Variants in DBF4 observed in about 807,000 individuals in gnomAD.
DBF4 encodes the protein DBF4-CDC7 kinase regulatory subunit, also known as protein DBF4 homolog A.
In DBF4, 25 loss-of-function variants were observed where a neutral mutation model predicts 76.6. That is an observed-to-expected ratio of 0.33 (90% CI 0.24 to 0.46). The LOEUF (loss-of-function observed/expected upper bound fraction) is 0.46. Among genes scored for constraint, DBF4 ranks in the 20% least tolerant of loss-of-function variants. The probability of loss-of-function intolerance (pLI) is 1.00; values close to 1 mark genes in which losing one functional copy is unlikely to be tolerated. For missense variants in DBF4, 638 were observed against 760.8 expected (o/e 0.84, Z 1.90); for synonymous variants, 213 against 258.0 (o/e 0.83, Z 1.67).
intron 6 of DBF4, among the ~76,000 whole-genome samples, chr7:87,893,596 CTT>C (rs1295198797): frequency 6.6e-6 from 1 of 152,188 alleles, no homozygotes; most frequent in Non-Finnish European, 1.5e-5. Context: ...AATGCTCTCT[CTT>C]CTGTCCCTGT....
At position 87,904,677 on chromosome 7, in the gene DBF4, A is replaced by T. The variant is rs1839872695; in HGVS notation, c.1049+261A>T. Reference sequence around the variant, plus strand: ...GAATCACTTGAAACCCAGGAGGCAGAGGTTGCAGTGAGCCAAGATTGCACC... The same window carrying T: ...GAATCACTTGAAACCCAGGAGGCAGTGGTTGCAGTGAGCCAAGATTGCACC... On this transcript the variant is annotated intron_variant, in intron 11 of 11. Coordinates refer to ENST00000265728, the MANE Select transcript of DBF4 (RefSeq NM_006716.4). 2.6e-5 allele frequency among the ~76,000 whole-genome samples: 4 copies of T among 152,200 alleles called. No individual in the cohort carries two copies. The South Asian group carries it at 8.3e-4, about 31-fold the overall frequency.
chr7:87,878,098 C>T lies in DBF4; in HGVS notation c.92C>T (p.Ser31Phe), dbSNP rs754027945. 10 of 1,610,878 alleles carry T rather than the reference C, an allele frequency of 6.2e-6. No individual in the cohort carries two copies. Among genetic ancestry groups the T allele is most frequent in the African/African-American group, 1.3e-5 (1 of 74,768 alleles). The change falls in exon 2 of 12, where the codon TCT becomes TTT. Residue 31 changes from serine to phenylalanine, a missense_variant. Transcript: ENST00000265728. ...GAAAAAAACAGACCATCTCTGAAAT[C>T]TCTGAAAACTGATAACAGGCCAGAA... Reference protein sequence around the residue: ...KNEKNRPSLKSLKTDNRPEKS... With the variant: ...KNEKNRPSLKFLKTDNRPEKS...
chr7:87,885,170 A>G lies in DBF4; in HGVS notation c.399+12A>G. The G allele has an allele frequency of 2.5e-6, 4 of 1,585,072 alleles. 1 individual carries two copies. Among genetic ancestry groups the G allele is most frequent in the East Asian group, 2.3e-5 (1 of 44,394 alleles). The stretch of plus-strand genomic sequence containing the variant: ...AGTCACCAGACACAGTAAGTCTCTT[A>G]AATATGCTTTGAGACTCAGAAGGGC... On this transcript the variant is annotated intron_variant, in intron 3 of 11. Transcript: ENST00000265728.
intron 6 of DBF4, among the ~76,000 whole-genome samples, chr7:87,893,448 T>C (rs1457924202): frequency 6.6e-6 from 1 of 151,016 alleles, no homozygotes; most frequent in Non-Finnish European, 1.5e-5. Flanking sequence ...GGTTTCACCT[T>C]GTTAGCCAGA....
intron 8 of DBF4, among the ~76,000 whole-genome samples, chr7:87,898,917 A>AT (rs1839703235): frequency 6.6e-6 from 1 of 152,234 alleles, no homozygotes; most frequent in South Asian, 2.1e-4. Context: ...CGAATGGAAT[A>AT]GAATAGAGAG....
intron 1 of DBF4, 125 bp downstream of exon 1, chr7:87,876,903 T>C (rs1839064806): frequency 4.7e-6 from 5 of 1,066,730 alleles, no homozygotes; most frequent in Middle Eastern, 2.1e-4. Flanking sequence ...GCCTCTGGGG[T>C]CTGAAGGAAG....
chr7:87,904,203 G>T, intron 10 of DBF4, 89 bp from the exon 11 acceptor site: 1 of 1,349,376 alleles, frequency 7.4e-7, no homozygotes, highest in Non-Finnish European at 9.9e-7. Flanking sequence ...TAATTTTAGG[G>T]GCATGAGAAT....
intron 6 of DBF4, chr7:87,888,384 C>A (rs928513385): frequency 2.2e-6 from 2 of 893,152 alleles, no homozygotes; most frequent in African/African-American, 3.6e-5. Flanking sequence ...TAATGTACTT[C>A]TTTTTGGAAT....
chr7:87,886,919 C>T, intron 4 of DBF4, 25 bp downstream of exon 4: 1 of 1,419,836 alleles, frequency 7.0e-7, no homozygotes, highest in Non-Finnish European at 9.7e-7. Context: ...TAAAGATTCA[C>T]ATTGTACATT....
Position 87,900,339 on chromosome 7 carries a change from G to T in DBF4, c.799G>T (p.Val267Phe), listed in dbSNP as rs1839745270. The change falls in exon 9 of 12, where the codon GTT becomes TTT. Residue 267 changes from valine to phenylalanine, a missense_variant. Coordinates refer to ENST00000265728, the MANE Select transcript of DBF4 (RefSeq NM_006716.4). ...ATCTAGTATGCAAAAGCAAACTCAG[G>T]TTAAACTAAGGTTGGTTTGAATCTT... The part of the protein sequence containing the change: ...KPSSMQKQTQ[V>F]KLRIQTDGDK... 4.4e-6 allele frequency: 7 copies of T among 1,586,808 alleles called. No homozygotes were observed. Among genetic ancestry groups the T allele is most frequent in the Non-Finnish European group, 6.0e-6 (7 of 1,172,260 alleles).
At position 87,888,030 on chromosome 7, in the gene DBF4, A is replaced by G. The variant is rs757509127; in HGVS notation, c.568A>G (p.Lys190Glu). The part of the protein sequence containing the change: ...EQKKKELYLL[K>E]KSSTSVRDGG... ...AAAGAAAAAAGAGTTGTATTTACTC[A>G]AGAAATCAAGTACTTCAGTAAGAGA... The change falls in exon 6 of 12, where the codon AAG becomes GAG. Residue 190 changes from lysine (K) to glutamate (E), a missense_variant. Coordinates refer to ENST00000265728, the MANE Select transcript of DBF4 (RefSeq NM_006716.4). 28 of 1,561,782 alleles carry G rather than the reference A, an allele frequency of 1.8e-5. No individual in the cohort carries two copies. The Admixed American group carries it at 4.5e-4, about 25-fold the overall frequency.
intron 3 of DBF4, 103 bp from the exon 4 acceptor site, chr7:87,886,739 CTT>C: frequency 2.8e-6 from 2 of 708,566 alleles, no homozygotes; most frequent in South Asian, 1.8e-5. Context: ...AAAAGAGAAA[CTT>C]TTTAATATGA....
At chr7:87,887,445 C>T in intron 5 of DBF4, 47 bp downstream of exon 5, 9 of 1,501,320 alleles carry the variant, frequency 6.0e-6, no homozygotes, top group South Asian at 1.2e-5. Flanking sequence ...TTTAAGTGTC[C>T]ATGTCTGTCC....
chr7:87,880,219 A>G (rs1427207922), intron 2 of DBF4, among the ~76,000 whole-genome samples: 3 of 152,216 alleles, frequency 2.0e-5, no homozygotes, highest in Non-Finnish European at 2.9e-5. Context: ...TCTTTCTTCT[A>G]TCTCCACAGC....
intron 11 of DBF4, among the ~76,000 whole-genome samples, chr7:87,906,562 A>G (rs1839921066): frequency 6.6e-6 from 1 of 152,180 alleles, no homozygotes; most frequent in South Asian, 2.1e-4. Context: ...TTTCAGGGAT[A>G]TCAAGATGCT....
intron 11 of DBF4, among the ~76,000 whole-genome samples, chr7:87,904,640 G>A (rs963684265): frequency 2.6e-5 from 4 of 152,138 alleles, no homozygotes; most frequent in Admixed American, 2.0e-4. Context: ...TACTCGGGAG[G>A]CTGAGGCAGA....
At chr7:87,879,046 G>T (rs1839143249) in intron 2 of DBF4, among the ~76,000 whole-genome samples, 1 of 152,192 alleles carries the variant, frequency 6.6e-6, no homozygotes, top group South Asian at 2.1e-4. Context: ...AGGTTCAAGT[G>T]ATTCTTGTGC....
Position 87,908,201 on chromosome 7 carries a change from T to C in DBF4, c.*38T>C. 1 of 1,413,702 alleles carries C rather than the reference T, an allele frequency of 7.1e-7. No homozygotes were observed. The highest frequency in any genetic ancestry group is 9.3e-7 in the Non-Finnish European group (1 of 1,078,780). 87.6% of individuals were successfully genotyped at this position (1,413,702 alleles called of 1,614,324 possible). On this transcript the variant is annotated 3_prime_UTR_variant, in exon 12 of 12. Transcript: ENST00000265728. ...GCATACTTTTCAGAAGTGATAAGGA[T>C]CATATTCTTGAAATTTTTATAAATA...
chr7:87,895,695 GC>G (rs1839616897), intron 6 of DBF4, among the ~76,000 whole-genome samples: 1 of 152,148 alleles, frequency 6.6e-6, no homozygotes, highest in Non-Finnish European at 1.5e-5. Flanking sequence ...TCTCTAACTT[GC>G]TCTTTTCATG....
Sources: allele counts gnomAD v4.1 joint callset (sites outside exome capture counted in the v4.1 genomes callset), GRCh38; gene constraint gnomAD v4.1.1; transcripts MANE v1.5; gene names NCBI Gene and HGNC (gene_info 2026-07-23, HGNC 2026-07-21).